The following FRMD4A variants were observed in gnomAD, a reference collection of about 807,000 sequenced individuals.
FRMD4A encodes the protein FERM domain containing 4A.
A neutral mutation model predicts 129.1 loss-of-function variants in FRMD4A; 29 were observed. The ratio of observed to expected loss-of-function variants is 0.22; its 90% CI spans 0.17 to 0.31. The LOEUF (loss-of-function observed/expected upper bound fraction) is 0.31, where lower values mean the gene tolerates loss of function less well. Among genes scored for constraint, FRMD4A ranks in the 10% least tolerant of loss-of-function variants. The pLI, the probability that FRMD4A is intolerant of heterozygous loss-of-function variation, is 1.00. For synonymous variants in FRMD4A, 634 were observed against 571.6 expected, an observed-to-expected ratio of 1.11 and a Z score of -1.56; for missense variants, 1,272 against 1,375.8, an observed-to-expected ratio of 0.92 and a Z score of 1.19.
At chr10:13,773,710 T>G (rs1054348767) in intron 6 of FRMD4A, among the ~76,000 whole-genome samples, 1 of 152,242 alleles carries the variant, frequency 6.6e-6, no homozygotes, top group Non-Finnish European at 1.5e-5. Flanking sequence ...TGGTGGATCA[T>G]CTTCTTCTGT....
intron 5 of FRMD4A, among the ~76,000 whole-genome samples, chr10:13,792,878 T>A (rs1008419774): frequency 6.6e-6 from 1 of 152,238 alleles, no homozygotes; most frequent in African/African-American, 2.4e-5. Flanking sequence ...CCTCAGGGCC[T>A]CTGCAGAGGA....
chr10:13,750,588 A>T (rs2091569475), intron 8 of FRMD4A, among the ~76,000 whole-genome samples: 1 of 152,178 alleles, frequency 6.6e-6, no homozygotes, highest in Non-Finnish European at 1.5e-5. Flanking sequence ...AAGGATAGGA[A>T]TATCACTCTT....
intron 2 of FRMD4A, among the ~76,000 whole-genome samples, chr10:14,143,612 T>C (rs113145248): frequency 6.6e-6 from 1 of 152,166 alleles, no homozygotes; most frequent in Non-Finnish European, 1.5e-5. Context: ...TTTTTTGTTG[T>C]TGTTGTTGTT....
At chr10:14,302,191 C>G (rs1177617787) in intron 2 of FRMD4A, among the ~76,000 whole-genome samples, 1 of 152,196 alleles carries the variant, frequency 6.6e-6, no homozygotes, top group Non-Finnish European at 1.5e-5. Flanking sequence ...GTTCCTTTCT[C>G]TATCCAAATG....
chr10:13,715,971 T>C (rs1423370879), intron 12 of FRMD4A, among the ~76,000 whole-genome samples: 1 of 150,722 alleles, frequency 6.6e-6, no homozygotes, highest in Non-Finnish European at 1.5e-5. Context: ...TACATACCAA[T>C]ATTATTGTTC....
intron 2 of FRMD4A, among the ~76,000 whole-genome samples, chr10:14,057,905 C>G (rs1215471563): frequency 6.6e-6 from 1 of 152,184 alleles, no homozygotes. Flanking sequence ...GTCGGTTTCT[C>G]TTGGAGCCAA....
At chr10:13,989,839 G>A (rs1372310933) in intron 2 of FRMD4A, among the ~76,000 whole-genome samples, 3 of 152,286 alleles carry the variant, frequency 2.0e-5, no homozygotes, top group Admixed American at 6.5e-5. Context: ...CAAACTCCAT[G>A]GAACATGCTT....
intron 2 of FRMD4A, among the ~76,000 whole-genome samples, chr10:14,078,698 G>A (rs568999969): frequency 3.0e-4 from 46 of 152,290 alleles, no homozygotes; most frequent in African/African-American, 1.1e-3. Context: ...TGAAAAAAAC[G>A]AAGCTTGAAG....
chr10:13,921,220 C>A (rs2095067355), intron 2 of FRMD4A, among the ~76,000 whole-genome samples: 1 of 151,808 alleles, frequency 6.6e-6, no homozygotes, highest in Non-Finnish European at 1.5e-5. Context: ...CTTTTTCTTT[C>A]TTTCTTTCTC....
intron 2 of FRMD4A, among the ~76,000 whole-genome samples, chr10:13,921,212 T>TTTTC (rs200456822): frequency 7.5e-5 from 5 of 66,758 alleles, no homozygotes; most frequent in African/African-American, 1.1e-4. Flanking sequence ...TTCTCTCTCT[T>TTTTC]TTTCTTTCTT....
Position 13,644,421 on chromosome 10 carries a change from C to G in FRMD4A, c.*2617G>C, listed in dbSNP as rs528252129. On this transcript the variant is annotated 3_prime_UTR_variant, in exon 25 of 25. Coordinates refer to ENST00000357447, the MANE Select transcript of FRMD4A (RefSeq NM_018027.5). The stretch of plus-strand genomic sequence containing the variant: ...ACGTTTTATGTACATTTTGTATTAA[C>G]TGAACTCAGCTAAACAGTAAAACCT... The G allele has an allele frequency of 5.3e-5, 8 of 152,346 alleles. No individual in the cohort carries two copies. The highest frequency in any genetic ancestry group is 1.9e-4 in the African/African-American group (8 of 41,582). The allele number at this position is 152,346 out of a possible 1,614,324, so 9.4% of individuals were successfully genotyped here.
At chr10:13,894,370 T>C (rs1366609915) in intron 2 of FRMD4A, among the ~76,000 whole-genome samples, 3 of 152,234 alleles carry the variant, frequency 2.0e-5, no homozygotes, top group African/African-American at 4.8e-5. Flanking sequence ...TTCTGATGGC[T>C]ATAAGGACCC....
chr10:13,792,699 T>C (rs2093030409), intron 5 of FRMD4A, among the ~76,000 whole-genome samples: 1 of 152,192 alleles, frequency 6.6e-6, no homozygotes, highest in African/African-American at 2.4e-5. Flanking sequence ...TCTTTATCCT[T>C]TTTGGGTAAT....
At chr10:13,658,137 A>T (rs1307689705) in intron 21 of FRMD4A, among the ~76,000 whole-genome samples, 47 of 149,018 alleles carry the variant, frequency 3.2e-4, no homozygotes, top group African/African-American at 1.0e-3. Flanking sequence ...TCTCTTAAAA[A>T]AAAAAAAAAA....
At chr10:14,069,106 A>G (rs1384613782) in intron 2 of FRMD4A, among the ~76,000 whole-genome samples, 1 of 151,976 alleles carries the variant, frequency 6.6e-6, no homozygotes, top group Non-Finnish European at 1.5e-5. Context: ...TTCACTTTTT[A>G]GGGAAATATC....
rs1298695616 is a variant in FRMD4A at position 13,656,629 on chromosome 10, C to G, written c.2953+7G>C. 4 of 1,408,378 alleles carry G rather than the reference C, an allele frequency of 2.8e-6. No homozygotes were observed. The highest frequency in any genetic ancestry group is 3.7e-6 in the Non-Finnish European group (4 of 1,072,356). 87.2% of individuals were successfully genotyped at this position (1,408,378 alleles called of 1,614,324 possible). A position where few individuals can be genotyped will look rare whatever the true frequency, so the allele number is the denominator to read the frequency against. The stretch of plus-strand genomic sequence containing the variant: ...CTTCCCGCGTGCACCTGGCCGCCCC[C>G]TCTCACCTGACGTGGCCTTGCACAT... On this transcript the variant is annotated splice_region_variant and intron_variant, in intron 22 of 24. Transcript: ENST00000357447.
intron 19 of FRMD4A, among the ~76,000 whole-genome samples, chr10:13,661,404 C>T (rs2082630598): frequency 6.6e-6 from 1 of 152,078 alleles, no homozygotes; most frequent in Non-Finnish European, 1.5e-5. Context: ...GCCCTGAGGG[C>T]AGGGTACCAG....
At chr10:14,323,040 A>T (rs1051373984) in intron 2 of FRMD4A, among the ~76,000 whole-genome samples, 3 of 152,226 alleles carry the variant, frequency 2.0e-5, no homozygotes, top group Admixed American at 6.5e-5. Context: ...TATTCAAGAT[A>T]GGAATGCAAA....
At chr10:14,160,050 C>A (rs1840802822) in intron 2 of FRMD4A, among the ~76,000 whole-genome samples, 1 of 151,212 alleles carries the variant, frequency 6.6e-6, no homozygotes, top group Non-Finnish European at 1.5e-5. Flanking sequence ...ACTCCGTCTC[C>A]AAAAAAAATA....
Sources: gnomAD v4.1 joint callset for allele counts (sites outside exome capture counted in the v4.1 genomes callset) on GRCh38, gnomAD v4.1.1 for gene constraint, MANE v1.5 for transcripts, NCBI Gene and HGNC (gene_info 2026-07-23, HGNC 2026-07-21) for gene names.